Variants in TMEM132B observed in about 807,000 individuals in gnomAD.
The protein encoded by TMEM132B is transmembrane protein 132B.
In TMEM132B, 18 loss-of-function variants were observed where a neutral mutation model predicts 90.8. That is an observed-to-expected ratio of 0.20 (90% CI 0.14 to 0.29). The LOEUF (loss-of-function observed/expected upper bound fraction) is 0.29, where lower values mean the gene tolerates loss of function less well. Among genes scored for constraint, TMEM132B ranks in the 10% least tolerant of loss-of-function variants. The probability of loss-of-function intolerance (pLI) is 1.00; values close to 1 mark genes in which losing one functional copy is unlikely to be tolerated. For missense variants in TMEM132B, 1,096 were observed against 1,326.8 expected, an observed-to-expected ratio of 0.83 and a Z score of 2.70; for synonymous variants, 504 against 523.3, an observed-to-expected ratio of 0.96 and a Z score of 0.50.
intron 4 of TMEM132B, among the ~76,000 whole-genome samples, chr12:125,531,660 T>C (rs1649507199): frequency 6.6e-6 from 1 of 152,246 alleles, no homozygotes. Flanking sequence ...TTAGGTTCTC[T>C]AATATAACAG....
chr12:125,227,365 A>T lies in TMEM132B; in HGVS notation c.67+40499A>T, dbSNP rs146586299. Among the ~76,000 whole-genome samples, 24 of 152,330 alleles carry T rather than the reference A, an allele frequency of 1.6e-4. No individual in the cohort carries two copies. The East Asian group carries it at 2.7e-3, about 17-fold the overall frequency. Reference sequence around the variant, plus strand: ...TTATCCCCATTTTATAGATGGGGAAAATGAGGCACAGAGAGGTTGAAGAGC... The same window carrying T: ...TTATCCCCATTTTATAGATGGGGAATATGAGGCACAGAGAGGTTGAAGAGC... On this transcript the variant is annotated intron_variant, in intron 1 of 8. Transcript: ENST00000682704.
intron 4 of TMEM132B, among the ~76,000 whole-genome samples, chr12:125,534,583 A>G (rs113268827): frequency 3.2e-3 from 487 of 152,278 alleles, no homozygotes; most frequent in Middle Eastern, 6.8e-3. Flanking sequence ...AAAACAGTAA[A>G]CAAAAATCAT....
At chr12:125,350,450 T>C in intron 2 of TMEM132B, 107 bp downstream of exon 2, 1 of 1,302,820 alleles carries the variant, frequency 7.7e-7, no homozygotes, top group Non-Finnish European at 1.1e-6. Context: ...TTGTCAAAAA[T>C]GAATACAGCT....
chr12:125,188,603 C>T (rs1167585101), intron 1 of TMEM132B, among the ~76,000 whole-genome samples: 1 of 127,924 alleles, frequency 7.8e-6, no homozygotes, highest in African/African-American at 3.0e-5. Flanking sequence ...CTCTGGAAGG[C>T]CCCATGTTGG....
intron 1 of TMEM132B, among the ~76,000 whole-genome samples, chr12:125,198,575 C>T (rs1872980664): frequency 1.3e-5 from 2 of 152,206 alleles, no homozygotes; most frequent in Non-Finnish European, 2.9e-5. Flanking sequence ...ACCCCTCAGC[C>T]AGGGACTGGG....
intron 1 of TMEM132B, among the ~76,000 whole-genome samples, chr12:125,223,270 C>G (rs1873601599): frequency 6.6e-6 from 1 of 152,158 alleles, no homozygotes; most frequent in African/African-American, 2.4e-5. Flanking sequence ...TTTTTATGAT[C>G]ATGTTACAGA....
chr12:125,260,917 A>G (rs1320695472), intron 1 of TMEM132B, among the ~76,000 whole-genome samples: 1 of 103,672 alleles, frequency 9.6e-6, no homozygotes, highest in Non-Finnish European at 1.9e-5. Flanking sequence ...CCCTGTCTCT[A>G]CAGATTGTGT....
chr12:125,318,535 G>T (rs925799944), intron 1 of TMEM132B, among the ~76,000 whole-genome samples: 1 of 151,936 alleles, frequency 6.6e-6, no homozygotes, highest in Non-Finnish European at 1.5e-5. Context: ...ACCCTGACAG[G>T]CCCCAGTGTG....
chr12:125,232,556 T>A (rs1409366256), intron 1 of TMEM132B, among the ~76,000 whole-genome samples: 2 of 152,232 alleles, frequency 1.3e-5, no homozygotes, highest in African/African-American at 4.8e-5. Context: ...AGTTGAATTA[T>A]AAATTGGCAT....
intron 3 of TMEM132B, among the ~76,000 whole-genome samples, chr12:125,441,064 G>A (rs946416982): frequency 2.0e-5 from 3 of 152,198 alleles, no homozygotes; most frequent in Non-Finnish European, 4.4e-5. Flanking sequence ...CCTTGAACAA[G>A]TTATTTAAAA....
intron 5 of TMEM132B, among the ~76,000 whole-genome samples, chr12:125,605,245 TC>T (rs1300254650): frequency 6.6e-6 from 1 of 152,240 alleles, no homozygotes; most frequent in Non-Finnish European, 1.5e-5. Flanking sequence ...TCCTCTCATC[TC>T]TGCTCACACA....
chr12:125,568,819 T>C (rs1435664792), intron 4 of TMEM132B, among the ~76,000 whole-genome samples: 3 of 152,200 alleles, frequency 2.0e-5, no homozygotes, highest in Admixed American at 2.0e-4. Flanking sequence ...GCCCTTTATG[T>C]GGGTCTCTTG....
intron 1 of TMEM132B, among the ~76,000 whole-genome samples, chr12:125,294,260 G>A (rs778888016): frequency 6.6e-6 from 1 of 152,214 alleles, no homozygotes; most frequent in Non-Finnish European, 1.5e-5. Flanking sequence ...TTGGGGTGGT[G>A]TGTTAGGCAG....
chr12:125,482,723 G>A (rs1882081478), intron 3 of TMEM132B, among the ~76,000 whole-genome samples: 1 of 152,152 alleles, frequency 6.6e-6, no homozygotes, highest in South Asian at 2.1e-4. Context: ...AATACCATTT[G>A]TCCCAGTGAT....
intron 1 of TMEM132B, among the ~76,000 whole-genome samples, chr12:125,339,825 C>A (rs1290179259): frequency 6.6e-6 from 1 of 152,114 alleles, no homozygotes; most frequent in Non-Finnish European, 1.5e-5. Flanking sequence ...AGCTATATTG[C>A]CTCTTGAAAG....
At chr12:125,304,553 T>C (rs73233350) in intron 1 of TMEM132B, among the ~76,000 whole-genome samples, 12,959 of 152,258 alleles carry the variant, frequency 0.085, 624 homozygotes, top group Non-Finnish European at 0.11. Context: ...GCTCTTTTAG[T>C]TAAGTCTCTA....
intron 4 of TMEM132B, among the ~76,000 whole-genome samples, chr12:125,570,253 G>A (rs1486779510): frequency 5.9e-5 from 9 of 152,174 alleles, no homozygotes; most frequent in Admixed American, 2.6e-4. Flanking sequence ...TTACGTATTT[G>A]TAGTCTGTTG....
At position 125,266,656 on chromosome 12, in the gene TMEM132B, C is replaced by T. The variant is rs1874704079; in HGVS notation, c.67+79790C>T. 1.3e-5 allele frequency among the ~76,000 whole-genome samples: 2 copies of T among 152,160 alleles called. 1 individual carries two copies. Among genetic ancestry groups the T allele is most frequent in the South Asian group, 4.1e-4 (2 of 4,828 alleles). On this transcript the variant is annotated intron_variant, in intron 1 of 8. Transcript: ENST00000682704. Reference sequence around the variant, plus strand: ...AGGGTCAGGTTTGGGTTGGGTTAGGCCTTCTCCACACCACACTTGTAAAAA... The same window carrying T: ...AGGGTCAGGTTTGGGTTGGGTTAGGTCTTCTCCACACCACACTTGTAAAAA...
chr12:125,301,893 C>CAAAACAAAAT (rs1875834682), intron 1 of TMEM132B: 1 of 148,928 alleles, frequency 6.7e-6, no homozygotes, highest in Admixed American at 6.7e-5. Context: ...CAAAACAAAA[C>CAAAACAAAAT]AAAACAAAAC....
Sources: gnomAD v4.1 joint callset for allele counts (sites outside exome capture counted in the v4.1 genomes callset) on GRCh38, gnomAD v4.1.1 for gene constraint, MANE v1.5 for transcripts, NCBI Gene and HGNC (gene_info 2026-07-23, HGNC 2026-07-21) for gene names.